Variants in HIPK2 observed in about 807,000 individuals in gnomAD.
The protein encoded by HIPK2 is homeodomain interacting protein kinase 2.
HIPK2 carries 27 observed loss-of-function variants against 113.7 expected under a neutral mutation model. The ratio of observed to expected loss-of-function variants is 0.24; its 90% CI spans 0.17 to 0.33. HIPK2 has a LOEUF of 0.33. Ranked by LOEUF, HIPK2 falls within the 10% of genes least tolerant of loss-of-function variation. The pLI is 1.00. For synonymous variants in HIPK2, 631 were observed against 642.2 expected (o/e 0.98, Z 0.26); for missense variants, 1,257 against 1,588.0 (o/e 0.79, Z 3.54).
chr7:139,724,049 T>C (rs1420886878), intron 1 of HIPK2, among the ~76,000 whole-genome samples: 1 of 151,600 alleles, frequency 6.6e-6, no homozygotes, highest in Non-Finnish European at 1.5e-5. Context: ...GAAGGATTAA[T>C]TCTCATATTT....
chr7:139,667,054 G>A (rs1802073790), intron 2 of HIPK2, among the ~76,000 whole-genome samples: 1 of 146,798 alleles, frequency 6.8e-6, no homozygotes, highest in Non-Finnish European at 1.5e-5. Context: ...AACAGAGCGA[G>A]ACTCCTTCTT....
intron 2 of HIPK2, among the ~76,000 whole-genome samples, chr7:139,668,066 C>T (rs377316245): frequency 6.8e-6 from 1 of 147,614 alleles, no homozygotes; most frequent in Admixed American, 6.9e-5. Context: ...GTGGAGGTTG[C>T]AGCAAGCCGA....
Position 139,573,057 on chromosome 7 carries a change from G to A in HIPK2, c.3467C>T (p.Pro1156Leu). 1 of 1,612,270 alleles carries A rather than the reference G, an allele frequency of 6.2e-7. No individual in the cohort carries two copies. The highest frequency in any genetic ancestry group is 1.1e-5 in the South Asian group (1 of 90,708). The change falls in exon 15 of 15, where the codon CCC becomes CTC. Residue 1156 changes from proline to leucine, a missense_variant. This residue lies in a region of HIPK2 where 862 missense variants were observed against 1,004.3 expected (regional missense o/e 0.86). Transcript: ENST00000406875. Reference sequence around the variant, plus strand: ...TGGATACTGACTCGGGTGGATGGTGGGCGAGGGCAGGACCCGGGGGCCCAT... The same window carrying A: ...TGGATACTGACTCGGGTGGATGGTGAGCGAGGGCAGGACCCGGGGGCCCAT... ...VSMGPRVLPS[P>L]TIHPSQYPAQ... is the part of the protein sequence containing the mutation.
At chr7:139,744,752 C>T (rs753221211) in intron 1 of HIPK2, among the ~76,000 whole-genome samples, 5 of 152,172 alleles carry the variant, frequency 3.3e-5, no homozygotes, top group African/African-American at 7.2e-5. Flanking sequence ...GACGGACTTA[C>T]GGCAAGTGGA....
At chr7:139,644,934 A>T (rs1270103989) in intron 2 of HIPK2, among the ~76,000 whole-genome samples, 1 of 152,242 alleles carries the variant, frequency 6.6e-6, no homozygotes, top group African/African-American at 2.4e-5. Flanking sequence ...CCTCTACTCT[A>T]GATGGATGCA....
chr7:139,698,777 AT>A (rs1187962220), intron 2 of HIPK2, among the ~76,000 whole-genome samples: 3 of 152,194 alleles, frequency 2.0e-5, no homozygotes, highest in Non-Finnish European at 4.4e-5. Flanking sequence ...GAATATGTTA[AT>A]CACCAGCACA....
At chr7:139,692,074 A>AT (rs1794423594) in intron 2 of HIPK2, among the ~76,000 whole-genome samples, 1 of 152,230 alleles carries the variant, frequency 6.6e-6, no homozygotes, top group East Asian at 1.9e-4. Flanking sequence ...CATTACAGGC[A>AT]TATCAGTAGA....
intron 2 of HIPK2, among the ~76,000 whole-genome samples, chr7:139,674,179 C>T (rs1475148854): frequency 1.3e-5 from 2 of 151,848 alleles, no homozygotes; most frequent in Admixed American, 6.6e-5. Flanking sequence ...AAATGTTGTG[C>T]GGCACTTTTT....
chr7:139,600,512 T>C lies in HIPK2; in HGVS notation c.2340A>G (p.Ala780=), dbSNP rs766447449. 5 of 1,613,946 alleles carry C rather than the reference T, an allele frequency of 3.1e-6. No homozygotes were observed. Among genetic ancestry groups the C allele is most frequent in the African/African-American group, 2.7e-5 (2 of 74,928 alleles). The change falls in exon 11 of 15, where the codon GCA becomes GCG. Residue 780 remains alanine (A), a synonymous_variant. Transcript: ENST00000406875. ...GGGCCACACCCACATTTAAGGGCTG[T>C]GCTGCTGGAAGGGTCACATGACCGG... ...LLTGHVTLPA[A]QPLNVGVAHV...
In HIPK2 at chr7:139,679,210, T is replaced by C. The variant is rs1250362112; in HGVS notation, c.1103+36722A>G. ...CTTCCAATACTATGTTGAATAGGCG[T>C]GGTGAGAGAGGGCATCCTTGTCTTG... On this transcript the variant is annotated intron_variant, in intron 2 of 14. Coordinates refer to ENST00000406875, the MANE Select transcript of HIPK2 (RefSeq NM_022740.5). Among the ~76,000 whole-genome samples, 4 of 152,292 alleles carry C rather than the reference T, an allele frequency of 2.6e-5. No homozygotes were observed. In the East Asian group the frequency reaches 7.7e-4, roughly 29 times the overall value.
At chr7:139,610,511 G>C (rs1206826540) in intron 9 of HIPK2, among the ~76,000 whole-genome samples, 1 of 152,210 alleles carries the variant, frequency 6.6e-6, no homozygotes, top group Non-Finnish European at 1.5e-5. Flanking sequence ...ATTGGAGAGA[G>C]AGGAACGAAG....
chr7:139,624,080 T>A (rs1800338177), intron 6 of HIPK2, among the ~76,000 whole-genome samples: 1 of 151,620 alleles, frequency 6.6e-6, no homozygotes, highest in Admixed American at 6.6e-5. Flanking sequence ...TGGAGTGCAG[T>A]GGCACTATCT....
At chr7:139,583,579 T>G in intron 13 of HIPK2, 1 of 544,460 alleles carries the variant, frequency 1.8e-6, no homozygotes. Flanking sequence ...AGCAGAGCCA[T>G]TGTAAAGGCA....
At chr7:139,619,860 A>ACCTCTGCCTCCTGAGT (rs1800176199) in intron 7 of HIPK2, among the ~76,000 whole-genome samples, 1 of 152,194 alleles carries the variant, frequency 6.6e-6, no homozygotes, top group African/African-American at 2.4e-5. Context: ...TCCTGGGCTC[A>ACCTCTGCCTCCTGAGT]AGCACTTCTC....
In HIPK2 at chr7:139,566,496, A is replaced by G. The variant is rs1569435461; in HGVS notation, c.*6431T>C. 6.6e-6 allele frequency: 1 copy of G among 152,220 alleles called. No homozygotes were observed. Among genetic ancestry groups the G allele is most frequent in the Non-Finnish European group, 1.5e-5 (1 of 68,046 alleles). 9.4% of individuals were successfully genotyped at this position (152,220 alleles called of 1,614,324 possible). A position where few individuals can be genotyped will look rare whatever the true frequency, so the allele number is the denominator to read the frequency against. On this transcript the variant is annotated 3_prime_UTR_variant, in exon 15 of 15. Coordinates refer to ENST00000406875, the MANE Select transcript of HIPK2 (RefSeq NM_022740.5). This position sits in a 1 kb window ranked among gnomAD's most constrained non-coding sequence, Gnocchi z 4.1. ...TAGAAATATGAGGCCACGCATTGCT[A>G]TTAATTAAAAAAAGTTAAAAGATTA... is the stretch of plus-strand genomic sequence containing the variant.
intron 2 of HIPK2, among the ~76,000 whole-genome samples, chr7:139,635,231 C>A (rs374744374): frequency 6.6e-6 from 1 of 152,160 alleles, no homozygotes; most frequent in African/African-American, 2.4e-5. Flanking sequence ...TGCAGCCTGA[C>A]GTTTGGAAGT....
chr7:139,571,531 G>C lies in HIPK2; in HGVS notation c.*1396C>G, dbSNP rs1798280283. ...TCCCCATCTCCAGACGCACCCGCCGGGCATCTGTCTCCCATATTTCTTTCG... is the reference window on the plus strand; with the variant it reads ...TCCCCATCTCCAGACGCACCCGCCGCGCATCTGTCTCCCATATTTCTTTCG... On this transcript the variant is annotated 3_prime_UTR_variant, in exon 15 of 15. Coordinates refer to ENST00000406875, the MANE Select transcript of HIPK2 (RefSeq NM_022740.5). The C allele has an allele frequency of 6.6e-6, 1 of 152,206 alleles. No individual in the cohort carries two copies. The highest frequency in any genetic ancestry group is 1.9e-4 in the East Asian group (1 of 5,194). 9.4% of individuals were successfully genotyped at this position (152,206 alleles called of 1,614,324 possible). A position where few individuals can be genotyped will look rare whatever the true frequency, so the allele number is the denominator to read the frequency against.
Position 139,749,132 on chromosome 7 carries a change from G to C in HIPK2, c.19+28473C>G, listed in dbSNP as rs530841833. 2.0e-5 allele frequency among the ~76,000 whole-genome samples: 3 copies of C among 152,322 alleles called. No individual in the cohort carries two copies. In the South Asian group the frequency reaches 6.2e-4, roughly 32 times the overall value. ...TTCATCAAACCGCCTTCTTTTACAG[G>C]GATGTTCTCTGGGTGATGTGGCAAA... On this transcript the variant is annotated intron_variant, in intron 1 of 14. Transcript: ENST00000406875.
chr7:139,701,103 T>C (rs1794693617), intron 2 of HIPK2, among the ~76,000 whole-genome samples: 1 of 152,188 alleles, frequency 6.6e-6, no homozygotes, highest in African/African-American at 2.4e-5. Flanking sequence ...GCCACGTGAA[T>C]GCGTTTCTTG....
Sources: gnomAD v4.1 joint callset for allele counts (sites outside exome capture counted in the v4.1 genomes callset) on GRCh38, gnomAD v4.1.1 for gene constraint, gnomAD v4.1.1 regional missense constraint, Gnocchi (gnomAD v3.1) non-coding constraint, MANE v1.5 for transcripts, NCBI Gene and HGNC (gene_info 2026-07-23, HGNC 2026-07-21) for gene names.